Variants in HACD2 observed in about 807,000 individuals in gnomAD.
HACD2 encodes 3-hydroxyacyl-CoA dehydratase 2.
HACD2 carries 15 observed loss-of-function variants against 31.0 expected under a neutral mutation model. The observed-to-expected ratio is 0.48, with a 90% confidence interval of 0.32 to 0.75. The LOEUF (loss-of-function observed/expected upper bound fraction) is 0.75, where lower values mean the gene tolerates loss of function less well. Among genes scored for constraint, HACD2 ranks in the 30% least tolerant of loss-of-function variants. The pLI, the probability that HACD2 is intolerant of heterozygous loss-of-function variation, is 0.03. For synonymous variants in HACD2, 115 were observed against 122.2 expected, an observed-to-expected ratio of 0.94 and a Z score of 0.39; for missense variants, 283 against 313.0, an observed-to-expected ratio of 0.90 and a Z score of 0.72.
intron 4 of HACD2, among the ~76,000 whole-genome samples, chr3:123,526,515 C>T (rs1449653936): frequency 6.6e-6 from 1 of 151,272 alleles, no homozygotes; most frequent in Non-Finnish European, 1.5e-5. Flanking sequence ...AAATGATATG[C>T]CTTTTCTTTT....
At chr3:123,502,938 A>T in intron 4 of HACD2, 1 of 371,912 alleles carries the variant, frequency 2.7e-6, no homozygotes, top group Non-Finnish European at 5.0e-6. Context: ...AACAAACACG[A>T]GGGGTGGGGA....
At chr3:123,508,999 A>T (rs1023275465) in intron 4 of HACD2, among the ~76,000 whole-genome samples, 2 of 152,002 alleles carry the variant, frequency 1.3e-5, no homozygotes, top group Admixed American at 1.3e-4. Context: ...CCTCATCTAA[A>T]CTTATTTCCC....
chr3:123,505,266 A>G (rs889883418), intron 4 of HACD2, among the ~76,000 whole-genome samples: 1 of 152,198 alleles, frequency 6.6e-6, no homozygotes, highest in Admixed American at 6.5e-5. Flanking sequence ...GATGAGAAAT[A>G]GAGAATTATT....
At chr3:123,538,262 G>A (rs977573534) in intron 3 of HACD2, among the ~76,000 whole-genome samples, 3 of 152,138 alleles carry the variant, frequency 2.0e-5, no homozygotes, top group Middle Eastern at 3.2e-3. Context: ...ATTGGGTTCC[G>A]ACAAAAGAAA....
intron 4 of HACD2, among the ~76,000 whole-genome samples, chr3:123,523,344 G>A (rs2056240950): frequency 6.6e-6 from 1 of 152,318 alleles, no homozygotes; most frequent in South Asian, 2.1e-4. Context: ...TGCTTTGTAA[G>A]GGTTTCAGAA....
chr3:123,533,987 C>T (rs1444290875), intron 3 of HACD2, among the ~76,000 whole-genome samples: 1 of 151,834 alleles, frequency 6.6e-6, no homozygotes, highest in Non-Finnish European at 1.5e-5. Flanking sequence ...GGGCAATGAA[C>T]TTTTGAAGCA....
intron 4 of HACD2, among the ~76,000 whole-genome samples, chr3:123,504,492 T>G (rs1440456820): frequency 6.6e-6 from 1 of 151,894 alleles, no homozygotes; most frequent in Non-Finnish European, 1.5e-5. Flanking sequence ...TTATGGTGCC[T>G]GATAGTTTCC....
intron 2 of HACD2, among the ~76,000 whole-genome samples, chr3:123,574,262 C>T (rs2056885493): frequency 6.6e-6 from 1 of 152,222 alleles, no homozygotes; most frequent in Non-Finnish European, 1.5e-5. Context: ...GCTCCGAAAT[C>T]AACTTTATCT....
At chr3:123,530,169 A>T (rs1455413231) in intron 3 of HACD2, among the ~76,000 whole-genome samples, 1 of 152,184 alleles carries the variant, frequency 6.6e-6, no homozygotes, top group Non-Finnish European at 1.5e-5. Flanking sequence ...AAGCACCCAT[A>T]TAGAGGAAGC....
rs2055769407 is a variant in HACD2 at position 123,491,975 on chromosome 3, G to GA, written c.*2912dup. The GA allele has an allele frequency of 6.6e-6, 1 of 152,140 alleles. No homozygotes were observed. The highest frequency in any genetic ancestry group is 1.9e-4 in the East Asian group (1 of 5,204). The allele number at this position is 152,140 out of a possible 1,614,324, so 9.4% of individuals were successfully genotyped here. A position where few individuals can be genotyped will look rare whatever the true frequency, so the allele number is the denominator to read the frequency against. On this transcript the variant is annotated 3_prime_UTR_variant, in exon 7 of 7. Coordinates refer to ENST00000383657, the MANE Select transcript of HACD2 (RefSeq NM_198402.5). ...TAAATGAATAACCAAAAAAATAAGT[G>GA]AAAAATGAGGGCACGATCTCTTCTT... is the stretch of plus-strand genomic sequence containing the variant.
intron 3 of HACD2, among the ~76,000 whole-genome samples, chr3:123,536,772 T>A (rs2056431247): frequency 6.6e-6 from 1 of 152,124 alleles, no homozygotes. Flanking sequence ...ACATCCAAAG[T>A]AAGAAGGCAA....
At chr3:123,584,803 C>T in intron 1 of HACD2, 70 bp downstream of exon 1, 1 of 1,271,602 alleles carries the variant, frequency 7.9e-7, no homozygotes. Flanking sequence ...ATCCTATCCG[C>T]CCCGCCGCTG....
intron 4 of HACD2, among the ~76,000 whole-genome samples, chr3:123,524,102 G>C (rs1229378339): frequency 6.6e-6 from 1 of 152,204 alleles, no homozygotes; most frequent in African/African-American, 2.4e-5. Context: ...GAGATGCTGA[G>C]ATTGGGTTAG....
chr3:123,564,057 C>T (rs1052915309), intron 3 of HACD2, among the ~76,000 whole-genome samples: 4 of 152,204 alleles, frequency 2.6e-5, no homozygotes, highest in Admixed American at 6.5e-5. Flanking sequence ...ACAGGCATGC[C>T]GGTGAGAGAG....
chr3:123,529,080 A>G (rs895667447), intron 3 of HACD2, among the ~76,000 whole-genome samples: 2 of 151,594 alleles, frequency 1.3e-5, no homozygotes, highest in African/African-American at 4.8e-5. Flanking sequence ...AAGTTATAAC[A>G]CTGGAATCAT....
At chr3:123,564,900 G>A (rs2056774558) in intron 3 of HACD2, among the ~76,000 whole-genome samples, 1 of 152,170 alleles carries the variant, frequency 6.6e-6, no homozygotes, top group South Asian at 2.1e-4. Context: ...GGGATGCAGA[G>A]CTTAATGAAA....
chr3:123,534,088 T>C (rs2056397802), intron 3 of HACD2, among the ~76,000 whole-genome samples: 1 of 151,898 alleles, frequency 6.6e-6, no homozygotes, highest in Non-Finnish European at 1.5e-5. Context: ...TGGCAATTGG[T>C]TGCTTGCTTC....
intron 3 of HACD2, among the ~76,000 whole-genome samples, chr3:123,542,169 A>AAAG: frequency 6.7e-6 from 1 of 149,044 alleles, no homozygotes; most frequent in Non-Finnish European, 1.5e-5. Flanking sequence ...AAAAAAAAAA[A>AAAG]AAGAATACAA....
At chr3:123,515,030 T>TTA (rs1196769428) in intron 4 of HACD2, among the ~76,000 whole-genome samples, 1 of 152,208 alleles carries the variant, frequency 6.6e-6, no homozygotes, top group Admixed American at 6.5e-5. Flanking sequence ...TTAGGTTACA[T>TTA]TATACCCAGT....
Sources: allele counts gnomAD v4.1 joint callset (sites outside exome capture counted in the v4.1 genomes callset), GRCh38; gene constraint gnomAD v4.1.1; transcripts MANE v1.5; gene names NCBI Gene and HGNC (gene_info 2026-07-23, HGNC 2026-07-21).